MAPK10: variants seen among roughly 807,000 people sequenced by gnomAD.
MAPK10 encodes mitogen-activated protein kinase 10.
MAPK10 carries 25 observed loss-of-function variants against 59.3 expected under a neutral mutation model. That is an observed-to-expected ratio of 0.42 (90% CI 0.31 to 0.59). The LOEUF (loss-of-function observed/expected upper bound fraction) is 0.59. Ranked by LOEUF, MAPK10 falls within the 20% of genes least tolerant of loss-of-function variation. The pLI is 0.15. For missense variants in MAPK10, 351 were observed against 568.9 expected (o/e 0.62, Z 3.90); for synonymous variants, 190 against 200.5 (o/e 0.95, Z 0.44).
intron 1 of MAPK10, among the ~76,000 whole-genome samples, chr4:86,512,784 A>G (rs1409410430): frequency 6.6e-6 from 1 of 152,224 alleles, no homozygotes; most frequent in East Asian, 1.9e-4. Flanking sequence ...TTTAAGGGAT[A>G]AGTTTCATGA....
At chr4:86,495,299 A>G (rs1032827604) in intron 1 of MAPK10, among the ~76,000 whole-genome samples, 1 of 152,254 alleles carries the variant, frequency 6.6e-6, no homozygotes, top group African/African-American at 2.4e-5. Context: ...AATTTTAAAC[A>G]TACTCAAAAG....
chr4:86,302,176 C>T (rs1432616261), intron 2 of MAPK10, among the ~76,000 whole-genome samples: 1 of 152,198 alleles, frequency 6.6e-6, no homozygotes, highest in African/African-American at 2.4e-5. Flanking sequence ...GCTGTGCTGT[C>T]ATTTCTTATT....
intron 2 of MAPK10, among the ~76,000 whole-genome samples, chr4:86,294,373 T>C (rs2095304562): frequency 6.6e-6 from 1 of 152,176 alleles, no homozygotes; most frequent in Non-Finnish European, 1.5e-5. Flanking sequence ...TTCCATGGTA[T>C]ACAGGTTTCT....
At chr4:86,263,732 C>T (rs1044543995) in intron 2 of MAPK10, among the ~76,000 whole-genome samples, 2 of 152,170 alleles carry the variant, frequency 1.3e-5, no homozygotes, top group African/African-American at 4.8e-5. Flanking sequence ...GCCTCTGTTT[C>T]TTCTGCAAAT....
intron 3 of MAPK10, among the ~76,000 whole-genome samples, chr4:86,185,423 T>C (rs950073990): frequency 1.3e-5 from 2 of 152,138 alleles, no homozygotes; most frequent in Admixed American, 6.6e-5. Flanking sequence ...CATTTTAGGA[T>C]AGAGGTTTCT....
intron 1 of MAPK10, among the ~76,000 whole-genome samples, chr4:86,495,163 T>C (rs541508721): frequency 1.3e-4 from 20 of 152,276 alleles, no homozygotes; most frequent in Admixed American, 7.8e-4. Context: ...TTGGCTTGGG[T>C]TGAGGATGTA....
intron 1 of MAPK10, among the ~76,000 whole-genome samples, chr4:86,393,420 A>T (rs894049034): frequency 6.6e-5 from 10 of 152,160 alleles, no homozygotes; most frequent in Non-Finnish European, 1.3e-4. Flanking sequence ...ATACATTGAC[A>T]GTCCTTCCAT....
At chr4:86,123,967 A>T (rs765641894) in intron 4 of MAPK10, 2 of 152,068 alleles carry the variant, frequency 1.3e-5, no homozygotes, top group African/African-American at 2.4e-5. Flanking sequence ...TTTCAATACT[A>T]GTTTGATTTT....
intron 4 of MAPK10, chr4:86,159,004 A>G: frequency 4.3e-6 from 1 of 233,642 alleles, no homozygotes; most frequent in East Asian, 8.5e-5. Flanking sequence ...CAAATACATT[A>G]GCAACTGCTA....
chr4:86,488,619 T>G (rs1754217219), intron 1 of MAPK10, among the ~76,000 whole-genome samples: 1 of 152,228 alleles, frequency 6.6e-6, no homozygotes, highest in South Asian at 2.1e-4. Context: ...TTTTTGATGC[T>G]AACTGTGGTT....
intron 13 of MAPK10, among the ~76,000 whole-genome samples, chr4:86,022,653 T>C (rs1159223403): frequency 1.3e-5 from 2 of 152,048 alleles, no homozygotes; most frequent in African/African-American, 4.8e-5. Flanking sequence ...TACAGGCACA[T>C]ACCACCACAC....
intron 13 of MAPK10, chr4:86,028,261 A>G (rs1321626575): frequency 6.6e-6 from 1 of 152,212 alleles, no homozygotes; most frequent in Non-Finnish European, 1.5e-5. Context: ...TGATTCCCTT[A>G]ACCTTCTTTG....
rs1736533393 is a variant in MAPK10, at chr4:86,359,881, G to A, written c.-345C>T. 2 of 985,466 alleles carry A rather than the reference G, an allele frequency of 2.0e-6. No homozygotes were observed. The highest frequency in any genetic ancestry group is 2.4e-6 in the Non-Finnish European group (2 of 829,836). 61.0% of individuals were successfully genotyped at this position (985,466 alleles called of 1,614,324 possible). ...GGGGTGAGGACAAAAAAGGAAATTT[G>A]TAAAAATGAAAAAAGAAAAGAAAAA... On this transcript the variant is annotated 5_prime_UTR_variant, in exon 1 of 14. Transcript: ENST00000641462.
At chr4:86,424,194 T>C (rs1746959171) in intron 1 of MAPK10, among the ~76,000 whole-genome samples, 1 of 152,084 alleles carries the variant, frequency 6.6e-6, no homozygotes, top group Non-Finnish European at 1.5e-5. Context: ...AAATCTTTTT[T>C]TAATTTTTAT....
intron 3 of MAPK10, among the ~76,000 whole-genome samples, chr4:86,173,451 A>G (rs2074890872): frequency 6.6e-6 from 1 of 152,156 alleles, no homozygotes; most frequent in Non-Finnish European, 1.5e-5. Context: ...CCTTCCTTAC[A>G]CCTTATACAA....
chr4:86,205,942 A>T (rs973097388), intron 2 of MAPK10, among the ~76,000 whole-genome samples: 25 of 152,180 alleles, frequency 1.6e-4, no homozygotes, highest in African/African-American at 5.5e-4. Context: ...CATTGTTTCT[A>T]TTCAATAGTA....
rs115093517 is a variant in MAPK10 at position 86,178,387 on chromosome 4, G to A, written c.66+15949C>T. The stretch of plus-strand genomic sequence containing the variant: ...TCTCTGAGGTCTTGAACTCTAAGGA[G>A]TAGGGTTTTTTTAATGTTTATAAGC... On this transcript the variant is annotated intron_variant, in intron 3 of 13. Transcript: ENST00000641462. 8.4e-3 allele frequency among the ~76,000 whole-genome samples: 1,280 copies of A among 152,084 alleles called. 21 individuals are homozygous for A. Among genetic ancestry groups the A allele is most frequent in the African/African-American group, 0.029 (1,219 of 41,508 alleles).
At chr4:86,139,507 C>G (rs1490018298) in intron 4 of MAPK10, among the ~76,000 whole-genome samples, 3 of 151,732 alleles carry the variant, frequency 2.0e-5, no homozygotes, top group Non-Finnish European at 4.4e-5. Context: ...TGGATCCCTT[C>G]CTTACACCTT....
At chr4:86,109,108 T>C (rs1027228527) in intron 4 of MAPK10, among the ~76,000 whole-genome samples, 2 of 152,222 alleles carry the variant, frequency 1.3e-5, no homozygotes, top group African/African-American at 4.8e-5. Context: ...AGTAACTCTC[T>C]CATTCATTCC....
Sources: gnomAD v4.1 joint callset for allele counts (sites outside exome capture counted in the v4.1 genomes callset) on GRCh38, gnomAD v4.1.1 for gene constraint, MANE v1.5 for transcripts, NCBI Gene and HGNC (gene_info 2026-07-23, HGNC 2026-07-21) for gene names.